PDE4D: variants seen among roughly 807,000 people sequenced by gnomAD.
PDE4D encodes the protein 3',5'-cyclic-AMP phosphodiesterase 4D.
PDE4D carries 24 observed loss-of-function variants against 87.4 expected under a neutral mutation model. The observed-to-expected ratio is 0.27, with a 90% CI of 0.20 to 0.39. The LOEUF is 0.39. Ranked by LOEUF, PDE4D falls within the 10% of genes least tolerant of loss-of-function variation. The pLI, the probability that PDE4D is intolerant of heterozygous loss-of-function variation, is 1.00. For synonymous variants in PDE4D, 384 were observed against 383.2 expected (o/e 1.00, Z -0.02); for missense variants, 714 against 1,041.0 (o/e 0.69, Z 4.32).
At chr5:60,320,672 A>G (rs573178419) in intron 1 of PDE4D, among the ~76,000 whole-genome samples, 23 of 152,328 alleles carry the variant, frequency 1.5e-4, no homozygotes, top group African/African-American at 5.5e-4. Flanking sequence ...GTCTCTGCCC[A>G]AAACCTCCTA....
At chr5:60,039,137 T>G (rs10461443) in intron 2 of PDE4D, among the ~76,000 whole-genome samples, 2 of 150,732 alleles carry the variant, frequency 1.3e-5, no homozygotes, top group South Asian at 4.2e-4. Flanking sequence ...CACATGCACA[T>G]GTATGTTTAT....
At chr5:60,159,061 G>C (rs1782248892) in intron 2 of PDE4D, among the ~76,000 whole-genome samples, 1 of 152,084 alleles carries the variant, frequency 6.6e-6, no homozygotes, top group African/African-American at 2.4e-5. Context: ...TATTCTGTAA[G>C]TTTTTTCTAG....
At chr5:60,469,291 C>G (rs985704397) in intron 1 of PDE4D, among the ~76,000 whole-genome samples, 28 of 152,114 alleles carry the variant, frequency 1.8e-4, no homozygotes, top group African/African-American at 5.8e-4. Flanking sequence ...ACTCCACCCC[C>G]TCCTGTTCTG....
intron 1 of PDE4D, among the ~76,000 whole-genome samples, chr5:59,327,031 T>A (rs1189786176): frequency 2.0e-5 from 3 of 152,002 alleles, no homozygotes; most frequent in Non-Finnish European, 2.9e-5. Flanking sequence ...CACCTTTTTT[T>A]AGCACTATTC....
chr5:59,592,921 T>C (rs1164730265), intron 1 of PDE4D, among the ~76,000 whole-genome samples: 1 of 152,082 alleles, frequency 6.6e-6, no homozygotes, highest in East Asian at 1.9e-4. Context: ...ACAATTTCCT[T>C]ATCCGTAGCA....
intron 1 of PDE4D, among the ~76,000 whole-genome samples, chr5:59,519,511 C>T (rs1811806330): frequency 6.6e-6 from 1 of 152,180 alleles, no homozygotes; most frequent in Non-Finnish European, 1.5e-5. Context: ...ACATGCTTGG[C>T]ACATTCAGGG....
At chr5:59,366,545 G>A (rs1328264886) in intron 1 of PDE4D, among the ~76,000 whole-genome samples, 2 of 152,162 alleles carry the variant, frequency 1.3e-5, no homozygotes, top group Admixed American at 1.3e-4. Context: ...TAAGTTATGA[G>A]TCAGTCAAGC....
At chr5:59,784,263 A>AAG (rs1561656943) in intron 1 of PDE4D, among the ~76,000 whole-genome samples, 7 of 151,188 alleles carry the variant, frequency 4.6e-5, no homozygotes, top group African/African-American at 1.7e-4. Flanking sequence ...AAAAAAAAAA[A>AAG]GGGGATTGTG....
At chr5:59,078,509 CTTTTT>C (rs542270740) in intron 5 of PDE4D, among the ~76,000 whole-genome samples, 1 of 135,854 alleles carries the variant, frequency 7.4e-6, no homozygotes. Flanking sequence ...AGGTAGGACT[CTTTTT>C]TTTTTTTTTT....
At chr5:59,695,161 C>A (rs1284921739) in intron 1 of PDE4D, among the ~76,000 whole-genome samples, 1 of 151,674 alleles carries the variant, frequency 6.6e-6, no homozygotes, top group Admixed American at 6.6e-5. Flanking sequence ...TATCATAGAA[C>A]CCAAACATCC....
intron 1 of PDE4D, among the ~76,000 whole-genome samples, chr5:59,216,170 CTGT>C (rs1301448162): frequency 6.6e-6 from 1 of 152,204 alleles, no homozygotes; most frequent in Non-Finnish European, 1.5e-5. Flanking sequence ...CTCCTGGATA[CTGT>C]TGTTAACTGA....
At chr5:60,343,453 G>C (rs990910415) in intron 1 of PDE4D, among the ~76,000 whole-genome samples, 2 of 151,876 alleles carry the variant, frequency 1.3e-5, no homozygotes, top group Admixed American at 6.6e-5. Flanking sequence ...TGATAACAAT[G>C]ATGATGATGA....
intron 1 of PDE4D, among the ~76,000 whole-genome samples, chr5:59,844,211 T>C (rs1743486823): frequency 1.3e-5 from 2 of 152,100 alleles, no homozygotes; most frequent in Non-Finnish European, 2.9e-5. Flanking sequence ...TTAATTATTA[T>C]TATAAGAGAA....
chr5:59,789,050 GT>G (rs1765491169), intron 1 of PDE4D, among the ~76,000 whole-genome samples: 1 of 152,144 alleles, frequency 6.6e-6, no homozygotes, highest in Admixed American at 6.5e-5. Flanking sequence ...CCTGAGCTTG[GT>G]TAGGATTTGC....
At chr5:60,372,976 G>A (rs942241676) in intron 1 of PDE4D, among the ~76,000 whole-genome samples, 5 of 152,142 alleles carry the variant, frequency 3.3e-5, no homozygotes, top group East Asian at 1.9e-4. Context: ...CAGACACACC[G>A]CAATTTGAAA....
At chr5:59,638,923 TCA>T (rs1397502744) in intron 1 of PDE4D, among the ~76,000 whole-genome samples, 1 of 152,174 alleles carries the variant, frequency 6.6e-6, no homozygotes, top group Non-Finnish European at 1.5e-5. Flanking sequence ...TTTTGGTCAG[TCA>T]CAGTTTCTTG....
At chr5:59,489,072 G>C (rs1207123046) in intron 1 of PDE4D, among the ~76,000 whole-genome samples, 15 of 151,908 alleles carry the variant, frequency 9.9e-5, no homozygotes, top group Admixed American at 7.9e-4. Context: ...GGATCACGCG[G>C]TCAAGAGATA....
At chr5:58,978,989 T>C (rs570573483) in intron 11 of PDE4D, among the ~76,000 whole-genome samples, 37 of 152,158 alleles carry the variant, frequency 2.4e-4, no homozygotes, top group Non-Finnish European at 4.0e-4. Context: ...GGATAATTAT[T>C]AGAGTTCGTT....
chr5:59,771,461 GAAAGAA>G (rs1763462632), intron 1 of PDE4D, among the ~76,000 whole-genome samples: 2 of 68,820 alleles, frequency 2.9e-5, no homozygotes, highest in African/African-American at 1.4e-4. Flanking sequence ...AAGAAAGAAA[GAAAGAA>G]AGAAAGAAAG....
Sources: gnomAD v4.1 joint callset for allele counts (sites outside exome capture counted in the v4.1 genomes callset) on GRCh38, gnomAD v4.1.1 for gene constraint, MANE v1.5 for transcripts, NCBI Gene and HGNC (gene_info 2026-07-23, HGNC 2026-07-21) for gene names.